EPS8: variants seen among roughly 807,000 people sequenced by gnomAD.
The protein encoded by EPS8 is epidermal growth factor receptor kinase substrate 8.
A neutral mutation model predicts 103.8 loss-of-function variants in EPS8; 42 were observed. That is an observed-to-expected ratio of 0.40 (90% CI 0.32 to 0.52). The LOEUF (loss-of-function observed/expected upper bound fraction) is 0.52, where lower values mean the gene tolerates loss of function less well. Ranked by LOEUF, EPS8 falls within the 20% of genes least tolerant of loss-of-function variation. EPS8 has a pLI of 0.40. For synonymous variants in EPS8, 344 were observed against 344.6 expected (o/e 1.00, Z 0.02); for missense variants, 969 against 1,005.1 (o/e 0.96, Z 0.49).
At chr12:15,676,146 G>C (rs970283555) in intron 3 of EPS8, among the ~76,000 whole-genome samples, 1 of 151,010 alleles carries the variant, frequency 6.6e-6, no homozygotes, top group African/African-American at 2.4e-5. Flanking sequence ...GGTGGCGGGC[G>C]CCTGTAGTCC....
chr12:15,752,646 A>C lies in EPS8; in HGVS notation c.-22+36515T>G, dbSNP rs80260440. Among the ~76,000 whole-genome samples the C allele has an allele frequency of 6.6e-6, 1 of 151,984 alleles. No individual in the cohort carries two copies. On this transcript the variant is annotated intron_variant, in intron 1 of 20. Coordinates refer to ENST00000281172, the MANE Select transcript of EPS8 (RefSeq NM_004447.6). The surrounding 1 kb of genome is among the most constrained non-coding windows in gnomAD (Gnocchi z 4.4). ...AAAGTCTTTATAATTGTAATAACCAATGGGTATGATTTCCCTTCTCCTGCT... is the reference window on the plus strand; with the variant it reads ...AAAGTCTTTATAATTGTAATAACCACTGGGTATGATTTCCCTTCTCCTGCT...
chr12:15,763,537 G>A (rs1451841644), intron 1 of EPS8, among the ~76,000 whole-genome samples: 1 of 152,174 alleles, frequency 6.6e-6, no homozygotes, highest in Non-Finnish European at 1.5e-5. Flanking sequence ...ACCAGTGACT[G>A]TGCCAGCTTC....
rs1265341291 is a variant in EPS8 at position 15,779,325 on chromosome 12, T to C, written c.-22+9836A>G. Among the ~76,000 whole-genome samples, 1 of 152,214 alleles carries C rather than the reference T, an allele frequency of 6.6e-6. No individual in the cohort carries two copies. The highest frequency in any genetic ancestry group is 2.4e-5 in the African/African-American group (1 of 41,454). On this transcript the variant is annotated intron_variant, in intron 1 of 20. Coordinates refer to ENST00000281172, the MANE Select transcript of EPS8 (RefSeq NM_004447.6). This position sits in a 1 kb window ranked among gnomAD's most constrained non-coding sequence, Gnocchi z 4.3. ...GCAAAGCAGTTAAAAGTATCTTCTA[T>C]CTCTATCATCAAAAGTATATCTTTC...
At chr12:15,741,503 C>G (rs1946822388) in intron 1 of EPS8, among the ~76,000 whole-genome samples, 1 of 152,186 alleles carries the variant, frequency 6.6e-6, no homozygotes, top group Admixed American at 6.5e-5. Flanking sequence ...CTAGCTGGAA[C>G]CCCCACATTT....
intron 8 of EPS8, 59 bp from the exon 9 acceptor site, chr12:15,662,158 C>G: frequency 6.4e-7 from 1 of 1,561,894 alleles, no homozygotes; most frequent in South Asian, 1.1e-5. Context: ...CCAATACAGA[C>G]AATTAAAACA....
chr12:15,723,497 A>ATAAGGT (rs1946620905), intron 1 of EPS8, among the ~76,000 whole-genome samples: 1 of 152,148 alleles, frequency 6.6e-6, no homozygotes, highest in Non-Finnish European at 1.5e-5. Flanking sequence ...GTGGATTTTT[A>ATAAGGT]ATTGTATATG....
At position 15,716,017 on chromosome 12, in the gene EPS8, A is replaced by G. The variant is rs984899597; in HGVS notation, c.-21-33045T>C. 6.6e-6 allele frequency among the ~76,000 whole-genome samples: 1 copy of G among 152,236 alleles called. No homozygotes were observed. The highest frequency in any genetic ancestry group is 1.5e-5 in the Non-Finnish European group (1 of 68,046). ...CCTCGATGAGAAAATCAGTATTAAA[A>G]GTAGCAAGAAGAAAACCCTTCAAAA... On this transcript the variant is annotated intron_variant, in intron 1 of 20. Coordinates refer to ENST00000281172, the MANE Select transcript of EPS8 (RefSeq NM_004447.6). This position sits in a 1 kb window ranked among gnomAD's most constrained non-coding sequence, Gnocchi z 5.0.
Position 15,772,686 on chromosome 12 carries a change from T to C in EPS8, c.-22+16475A>G, listed in dbSNP as rs1947166630. On this transcript the variant is annotated intron_variant, in intron 1 of 20. Coordinates refer to ENST00000281172, the MANE Select transcript of EPS8 (RefSeq NM_004447.6). This position sits in a 1 kb window ranked among gnomAD's most constrained non-coding sequence, Gnocchi z 5.0. Reference sequence around the variant, plus strand: ...AAGTAGCAGAGCTTCTGAATCAACATCTAAGTGTAGATGGGTAACAAAGCA... The same window carrying C: ...AAGTAGCAGAGCTTCTGAATCAACACCTAAGTGTAGATGGGTAACAAAGCA... Among the ~76,000 whole-genome samples, 1 of 152,128 alleles carries C rather than the reference T, an allele frequency of 6.6e-6. No homozygotes were observed. Among genetic ancestry groups the C allele is most frequent in the Non-Finnish European group, 1.5e-5 (1 of 68,022 alleles).
chr12:15,730,993 T>A (rs1051040723), intron 1 of EPS8, among the ~76,000 whole-genome samples: 11 of 152,202 alleles, frequency 7.2e-5, no homozygotes, highest in Non-Finnish European at 1.3e-4. Context: ...AAAAATAGAT[T>A]CACAGATGAC....
At position 15,696,600 on chromosome 12, in the gene EPS8, C is replaced by T. The variant is rs1946246379; in HGVS notation, c.-21-13628G>A. Among the ~76,000 whole-genome samples the T allele has an allele frequency of 6.6e-6, 1 of 152,000 alleles. No homozygotes were observed. Among genetic ancestry groups the T allele is most frequent in the Admixed American group, 6.6e-5 (1 of 15,258 alleles). On this transcript the variant is annotated intron_variant, in intron 1 of 20. Coordinates refer to ENST00000281172, the MANE Select transcript of EPS8 (RefSeq NM_004447.6). This position sits in a 1 kb window ranked among gnomAD's most constrained non-coding sequence, Gnocchi z 4.8. ...AGGTTGCAGTGAGCCAAGATCGCAC[C>T]ATTGAACTCCAGCCTGGCGACAGAG...
rs1946551322 is a variant in EPS8 at position 15,717,972 on chromosome 12, G to C, written c.-21-35000C>G. On this transcript the variant is annotated intron_variant, in intron 1 of 20. Transcript: ENST00000281172. The surrounding 1 kb of genome is among the most constrained non-coding windows in gnomAD (Gnocchi z 4.3). The stretch of plus-strand genomic sequence containing the variant: ...CTTATTTGGCAATTTCAGTTAAAAA[G>C]ACAGCAAGAAACAAAAAAATTGGTG... 6.6e-6 allele frequency among the ~76,000 whole-genome samples: 1 copy of C among 152,148 alleles called. No homozygotes were observed. Among genetic ancestry groups the C allele is most frequent in the South Asian group, 2.1e-4 (1 of 4,830 alleles).
At chr12:15,670,955 T>A in intron 3 of EPS8, 32 bp from the exon 4 acceptor site, 1 of 1,540,036 alleles carries the variant, frequency 6.5e-7, no homozygotes, top group Non-Finnish European at 9.0e-7. Context: ...CCATGATTTG[T>A]CCCCTAATAG....
At chr12:15,653,949 C>T (rs1945461843) in intron 13 of EPS8, among the ~76,000 whole-genome samples, 196 bp downstream of exon 13, 1 of 152,192 alleles carries the variant, frequency 6.6e-6, no homozygotes, top group South Asian at 2.1e-4. Flanking sequence ...GTTTATGACT[C>T]ACTCCTAAGG....
intron 1 of EPS8, among the ~76,000 whole-genome samples, chr12:15,746,918 C>T (rs1337201586): frequency 1.3e-5 from 2 of 152,182 alleles, no homozygotes; most frequent in African/African-American, 4.8e-5. Context: ...GCCCTACTAA[C>T]TAGTTCTTCT....
chr12:15,633,897 G>A (rs1443771918), intron 17 of EPS8, among the ~76,000 whole-genome samples: 3 of 152,070 alleles, frequency 2.0e-5, no homozygotes, highest in East Asian at 1.9e-4. Flanking sequence ...GACTCCTAAC[G>A]TCACTTTTCT....
intron 15 of EPS8, among the ~76,000 whole-genome samples, chr12:15,645,206 C>T (rs1945300130): frequency 6.6e-6 from 1 of 151,998 alleles, no homozygotes; most frequent in Non-Finnish European, 1.5e-5. Flanking sequence ...ATCACCTATC[C>T]CATCCTACAT....
intron 17 of EPS8, among the ~76,000 whole-genome samples, chr12:15,633,204 C>T (rs892673547): frequency 6.6e-6 from 1 of 152,088 alleles, no homozygotes; most frequent in African/African-American, 2.4e-5. Flanking sequence ...TATTATTATT[C>T]CCCACAAACA....
intron 17 of EPS8, among the ~76,000 whole-genome samples, chr12:15,637,289 G>A (rs1945152702): frequency 6.6e-6 from 1 of 152,204 alleles, no homozygotes; most frequent in African/African-American, 2.4e-5. Flanking sequence ...CCAAAGTTCT[G>A]GGATTACAGG....
intron 8 of EPS8, among the ~76,000 whole-genome samples, chr12:15,663,321 C>T (rs1035076851): frequency 3.9e-5 from 6 of 152,076 alleles, no homozygotes; most frequent in Non-Finnish European, 8.8e-5. Flanking sequence ...GGCGCTATTC[C>T]ACAGAGATCA....
Sources: gnomAD v4.1 joint callset for allele counts (sites outside exome capture counted in the v4.1 genomes callset) on GRCh38, gnomAD v4.1.1 for gene constraint, Gnocchi (gnomAD v3.1) non-coding constraint, MANE v1.5 for transcripts, NCBI Gene and HGNC (gene_info 2026-07-23, HGNC 2026-07-21) for gene names.